SMARCAD1: variants seen among roughly 807,000 people sequenced by gnomAD.
SMARCAD1 encodes the protein SNF2 related chromatin remodeling ATPase with DExD box 1, also known as SWI/SNF-related matrix-associated actin-dependent regulator of chromatin subfamily A containing DEAD/H box 1.
Under a neutral mutation model 127.1 loss-of-function variants are expected in SMARCAD1, and 25 were observed. The observed-to-expected ratio is 0.20, with a 90% CI of 0.14 to 0.27. The LOEUF (loss-of-function observed/expected upper bound fraction) is 0.27. Ranked by LOEUF, SMARCAD1 falls within the 10% of genes least tolerant of loss-of-function variation. SMARCAD1 has a pLI of 1.00. For missense variants in SMARCAD1, 807 were observed against 1,206.0 expected (o/e 0.67, Z 4.90); for synonymous variants, 400 against 396.9 (o/e 1.01, Z -0.09).
rs550023371 is a variant in SMARCAD1, at chr4:94,279,541, G to A, written c.2418+491G>A. On this transcript the variant is annotated intron_variant, in intron 19 of 23. Coordinates refer to ENST00000354268, the MANE Select transcript of SMARCAD1 (RefSeq NM_020159.5). ...ATAAGTCAGCAAACTATGGCCTTAC[G>A]GCAGTGACTATTTTTATAAATAAGG... 1.9e-4 allele frequency among the ~76,000 whole-genome samples: 29 copies of A among 152,270 alleles called. No individual in the cohort carries two copies. The Middle Eastern group carries it at 0.02, about 107-fold the overall frequency.
chr4:94,223,458 AC>A (rs759515962), intron 2 of SMARCAD1, among the ~76,000 whole-genome samples: 1 of 152,030 alleles, frequency 6.6e-6, no homozygotes, highest in Non-Finnish European at 1.5e-5. Flanking sequence ...ACGCCACTGT[AC>A]TCTAGCCTGG....
rs1284896806 is a variant in SMARCAD1, at chr4:94,253,595, G to A, written c.1281+588G>A. 23 of 1,030,202 alleles carry A rather than the reference G, an allele frequency of 2.2e-5. No individual in the cohort carries two copies. The South Asian group carries it at 5.2e-4, about 23-fold the overall frequency. 63.8% of individuals were successfully genotyped at this position (1,030,202 alleles called of 1,614,324 possible). On this transcript the variant is annotated intron_variant, in intron 9 of 23. Transcript: ENST00000354268. ...TTTATGGAGTGTAGCAGGCTGCAGC[G>A]TTTTTAATTGGAAAGATAGAAAAAT...
At chr4:94,250,718 A>T in intron 7 of SMARCAD1, 34 bp from the exon 8 acceptor site, 1 of 1,491,574 alleles carries the variant, frequency 6.7e-7, no homozygotes, top group African/African-American at 1.4e-5. Context: ...CTAATTTGAG[A>T]TTTTTAACAA....
chr4:94,283,100 C>G (rs554992600), intron 21 of SMARCAD1, 21 bp from the exon 22 acceptor site: 2 of 1,593,346 alleles, frequency 1.3e-6, no homozygotes, highest in East Asian at 4.5e-5. Flanking sequence ...TGAGATTTAA[C>G]CTAATTTGTT....
rs749474866 is a variant in SMARCAD1, at chr4:94,225,655, A to G, written c.191-464A>G. On this transcript the variant is annotated intron_variant, in intron 2 of 23. Coordinates refer to ENST00000354268, the MANE Select transcript of SMARCAD1 (RefSeq NM_020159.5). ...TTTATGGGATGCTGGCTATGTGCCAATTACTGAACTAAATGCTTTACATAT... is the reference window on the plus strand; with the variant it reads ...TTTATGGGATGCTGGCTATGTGCCAGTTACTGAACTAAATGCTTTACATAT... Among the ~76,000 whole-genome samples the G allele has an allele frequency of 2.9e-4, 44 of 152,226 alleles. 1 individual carries two copies. The highest frequency in any genetic ancestry group is 2.6e-3 in the Admixed American group (40 of 15,290).
intron 10 of SMARCAD1, among the ~76,000 whole-genome samples, chr4:94,267,375 C>T (rs936660520): frequency 1.3e-5 from 2 of 152,124 alleles, no homozygotes; most frequent in Admixed American, 1.3e-4. Flanking sequence ...GTCATACTTA[C>T]GGGACATAAA....
chr4:94,226,878 GTTTTTTCTA>G (rs1745103139), intron 3 of SMARCAD1, among the ~76,000 whole-genome samples: 4 of 148,566 alleles, frequency 2.7e-5, no homozygotes, highest in African/African-American at 9.9e-5. Context: ...TTTTTTTCTT[GTTTTTTCTA>G]GAGGTGGGGT....
chr4:94,265,240 T>C (rs1751556515), intron 10 of SMARCAD1, among the ~76,000 whole-genome samples: 2 of 152,100 alleles, frequency 1.3e-5, no homozygotes, highest in South Asian at 4.2e-4. Flanking sequence ...ATACACAAAT[T>C]TGATATCCTA....
intron 9 of SMARCAD1, 157 bp downstream of exon 9, chr4:94,253,164 C>A: frequency 6.6e-7 from 1 of 1,513,236 alleles, no homozygotes. Context: ...AATAGTATTT[C>A]AAATAGTGTC....
intron 2 of SMARCAD1, among the ~76,000 whole-genome samples, chr4:94,208,939 A>G (rs1443173201): frequency 1.3e-5 from 2 of 152,208 alleles, no homozygotes; most frequent in Non-Finnish European, 2.9e-5. Context: ...CATTCATTCC[A>G]GTATTCCCTC....
At chr4:94,212,887 C>T (rs1047885244) in intron 2 of SMARCAD1, 6 of 398,712 alleles carry the variant, frequency 1.5e-5, no homozygotes, top group Non-Finnish European at 2.4e-5. Flanking sequence ...CCTAATGCCC[C>T]TCTAAATCCC....
chr4:94,254,580 T>G (rs1366192328), intron 9 of SMARCAD1, among the ~76,000 whole-genome samples: 1 of 152,144 alleles, frequency 6.6e-6, no homozygotes, highest in Non-Finnish European at 1.5e-5. Flanking sequence ...AAATTAGTCT[T>G]GACATGAATT....
At chr4:94,276,934 C>A in intron 15 of SMARCAD1, 88 bp from the exon 16 acceptor site, 2 of 1,342,708 alleles carry the variant, frequency 1.5e-6, no homozygotes, top group Non-Finnish European at 2.1e-6. Flanking sequence ...ATTTATCTCT[C>A]CTCCCTTCAC....
chr4:94,224,191 C>A (rs570183352), intron 2 of SMARCAD1, among the ~76,000 whole-genome samples: 3 of 152,228 alleles, frequency 2.0e-5, no homozygotes, highest in African/African-American at 7.2e-5. Flanking sequence ...AACTTGCATG[C>A]AATGTTTATA....
chr4:94,283,348 T>C (rs1754370225), intron 22 of SMARCAD1, 45 bp downstream of exon 22: 1 of 1,565,330 alleles, frequency 6.4e-7, no homozygotes, highest in Non-Finnish European at 8.8e-7. Flanking sequence ...AGTGCCACTT[T>C]AATTTGTGTA....
At position 94,284,187 on chromosome 4, in the gene SMARCAD1, C is replaced by T. The variant is rs1224846371; in HGVS notation, c.2910-773C>T. ...ATACAAAAAAAAAAAATTAGCCAGGCGTGGTGGCAGGCGCCTGTAGTCCCA... is the reference window on the plus strand; with the variant it reads ...ATACAAAAAAAAAAAATTAGCCAGGTGTGGTGGCAGGCGCCTGTAGTCCCA... On this transcript the variant is annotated intron_variant, in intron 22 of 23. Coordinates refer to ENST00000354268, the MANE Select transcript of SMARCAD1 (RefSeq NM_020159.5). 1.2e-4 allele frequency among the ~76,000 whole-genome samples: 18 copies of T among 150,802 alleles called. No homozygotes were observed. The East Asian group carries it at 2.8e-3, about 23-fold the overall frequency.
chr4:94,251,028 T>C lies in SMARCAD1; in HGVS notation c.889+195T>C, dbSNP rs561130589. On this transcript the variant is annotated intron_variant, in intron 8 of 23. Transcript: ENST00000354268. ...GTTTTGACCTGCCTGTTCTTTATCA[T>C]AGTGTAAAACAAAACAATAAATATC... Among the ~76,000 whole-genome samples the C allele has an allele frequency of 2.0e-5, 3 of 152,330 alleles. No individual in the cohort carries two copies. The South Asian group carries it at 6.2e-4, about 32-fold the overall frequency.
chr4:94,248,476 T>G (rs1265600737), intron 6 of SMARCAD1: 1 of 456,194 alleles, frequency 2.2e-6, no homozygotes, highest in East Asian at 6.9e-5. Flanking sequence ...TTCTTGGAAT[T>G]TCAGTGTGCC....
At chr4:94,249,985 C>T (rs954122018) in intron 7 of SMARCAD1, among the ~76,000 whole-genome samples, 2 of 151,692 alleles carry the variant, frequency 1.3e-5, no homozygotes, top group African/African-American at 4.8e-5. Context: ...AAAAAATAAC[C>T]GTAATAAAAA....
Sources: allele counts gnomAD v4.1 joint callset (sites outside exome capture counted in the v4.1 genomes callset), GRCh38; gene constraint gnomAD v4.1.1; transcripts MANE v1.5; gene names NCBI Gene and HGNC (gene_info 2026-07-23, HGNC 2026-07-21).